TSPAN14: variants seen among roughly 807,000 people sequenced by gnomAD.
The protein encoded by TSPAN14 is tetraspanin-14.
TSPAN14 carries 16 observed loss-of-function variants against 36.6 expected under a neutral mutation model. The ratio of observed to expected loss-of-function variants is 0.44; its 90% CI spans 0.30 to 0.66. The LOEUF is 0.66. TSPAN14 is among the 30% of genes least tolerant of loss of function. The pLI is 0.12. For missense variants in TSPAN14, 231 were observed against 355.1 expected, an observed-to-expected ratio of 0.65 and a Z score of 2.81; for synonymous variants, 139 against 143.8, an observed-to-expected ratio of 0.97 and a Z score of 0.24.
chr10:80,504,154 C>T (rs1447042026), intron 2 of TSPAN14, among the ~76,000 whole-genome samples: 1 of 152,204 alleles, frequency 6.6e-6, no homozygotes, highest in Non-Finnish European at 1.5e-5. Flanking sequence ...TTGTAGTTAA[C>T]AGTAGGGAGG....
chr10:80,511,477 A>C (rs890115241), intron 5 of TSPAN14, among the ~76,000 whole-genome samples: 8 of 152,034 alleles, frequency 5.3e-5, no homozygotes, highest in African/African-American at 1.9e-4. Flanking sequence ...AGAGGACGCC[A>C]CTCTCCTGTC....
At chr10:80,469,540 C>G (rs972796281) in intron 1 of TSPAN14, among the ~76,000 whole-genome samples, 1 of 152,120 alleles carries the variant, frequency 6.6e-6, no homozygotes, top group Non-Finnish European at 1.5e-5. Context: ...CTCAGCTACC[C>G]AAGGGCTCCC....
At chr10:80,454,546 T>C (rs1321127445) in intron 1 of TSPAN14, among the ~76,000 whole-genome samples, 175 bp downstream of exon 1, 2 of 151,792 alleles carry the variant, frequency 1.3e-5, no homozygotes, top group Admixed American at 6.6e-5. Flanking sequence ...GCTGGCTTTG[T>C]CTGCCAGGAT....
chr10:80,503,695 TC>T (rs1298954201), intron 2 of TSPAN14, among the ~76,000 whole-genome samples: 1 of 152,134 alleles, frequency 6.6e-6, no homozygotes, highest in Non-Finnish European at 1.5e-5. Flanking sequence ...GGATGAGACT[TC>T]CTGGGGCTTT....
At chr10:80,518,325 G>C in exon 9 of TSPAN14, 1 of 326,824 alleles carries the variant, frequency 3.1e-6, no homozygotes, top group Non-Finnish European at 5.8e-6. Flanking sequence ...AGGACACCCT[G>C]GTCCCCTCTC....
At chr10:80,492,684 T>C (rs539619474) in intron 2 of TSPAN14, among the ~76,000 whole-genome samples, 32 of 152,000 alleles carry the variant, frequency 2.1e-4, no homozygotes, top group Non-Finnish European at 4.0e-4. Context: ...GGCGTGGTGG[T>C]GGGCACCTGT....
chr10:80,500,586 T>C (rs114265816), intron 2 of TSPAN14, among the ~76,000 whole-genome samples: 2,352 of 152,174 alleles, frequency 0.015, 58 homozygotes, highest in African/African-American at 0.054. Flanking sequence ...CCCAAAGTGC[T>C]GGGCCTCCCA....
intron 1 of TSPAN14, among the ~76,000 whole-genome samples, chr10:80,484,626 T>G (rs1422906219): frequency 6.6e-6 from 1 of 152,248 alleles, no homozygotes; most frequent in Non-Finnish European, 1.5e-5. Flanking sequence ...AACGGGGGTC[T>G]TTTTGAAGTA....
exon 9 of TSPAN14, chr10:80,519,485 G>A (rs922655632): frequency 1.3e-5 from 2 of 149,976 alleles, no homozygotes; most frequent in Non-Finnish European, 2.9e-5. Context: ...ACATTCTAGT[G>A]TGGTGTATAC....
At chr10:80,477,732 A>G (rs933956110) in intron 1 of TSPAN14, among the ~76,000 whole-genome samples, 5 of 152,088 alleles carry the variant, frequency 3.3e-5, no homozygotes, top group African/African-American at 9.7e-5. Context: ...CATGTTGCAC[A>G]TTTCTGCAGA....
At chr10:80,507,284 G>T (rs772947798) in exon 4 of TSPAN14, 1 of 1,614,116 alleles carries the variant, frequency 6.2e-7, no homozygotes, top group Non-Finnish European at 8.5e-7. Context: ...ACCCTGTGGT[G>T]CTGGTCCTGA....
At chr10:80,480,119 C>T (rs1847167780) in intron 1 of TSPAN14, among the ~76,000 whole-genome samples, 1 of 151,232 alleles carries the variant, frequency 6.6e-6, no homozygotes, top group Non-Finnish European at 1.5e-5. Flanking sequence ...TCTAAGAATG[C>T]TTGTGATTTT....
At position 80,477,522 on chromosome 10, in the gene TSPAN14, T is replaced by C. The variant is rs763596476; in HGVS notation, c.-17-11695T>C. ...AAGAAAACAACAGCAAGAAAAATTT[T>C]GCAAGCAAAGAGTACATGAATGATT... On this transcript the variant is annotated intron_variant, in intron 1 of 8. Transcript: ENST00000429989. 1.8e-4 allele frequency among the ~76,000 whole-genome samples: 27 copies of C among 152,186 alleles called. 1 individual carries two copies. Among genetic ancestry groups the C allele is most frequent in the Admixed American group, 1.6e-3 (25 of 15,266 alleles).
intron 2 of TSPAN14, among the ~76,000 whole-genome samples, chr10:80,502,775 G>A (rs1041717919): frequency 2.0e-5 from 3 of 152,128 alleles, no homozygotes; most frequent in African/African-American, 7.2e-5. Context: ...GGCATGGCCA[G>A]GACTGGACAT....
intron 2 of TSPAN14, among the ~76,000 whole-genome samples, chr10:80,492,982 G>A (rs899670024): frequency 1.2e-4 from 18 of 152,154 alleles, no homozygotes; most frequent in African/African-American, 3.9e-4. Context: ...ATGTTTGCAT[G>A]TCTGTTCTGA....
At chr10:80,501,105 G>GT (rs10713598) in intron 2 of TSPAN14, among the ~76,000 whole-genome samples, 2,473 of 139,992 alleles carry the variant, frequency 0.018, 91 homozygotes, top group East Asian at 0.13. Context: ...AACTGACGCT[G>GT]TTTTTTTTTT....
At chr10:80,495,359 G>A (rs1257440101) in intron 2 of TSPAN14, among the ~76,000 whole-genome samples, 1 of 115,626 alleles carries the variant, frequency 8.6e-6, no homozygotes, top group East Asian at 2.1e-4. Context: ...GTGTGTGTGT[G>A]TGTGTGTGTG....
At chr10:80,480,215 G>A (rs1342099361) in intron 1 of TSPAN14, among the ~76,000 whole-genome samples, 13 of 150,918 alleles carry the variant, frequency 8.6e-5, no homozygotes, top group African/African-American at 3.2e-4. Flanking sequence ...GGGTTTTCTA[G>A]ATATACAATC....
chr10:80,461,443 T>G (rs566055423), intron 1 of TSPAN14, among the ~76,000 whole-genome samples: 3 of 152,318 alleles, frequency 2.0e-5, no homozygotes, highest in African/African-American at 7.2e-5. Flanking sequence ...CTCTAGTAGC[T>G]TCTTGTGAAA....
Sources: allele counts gnomAD v4.1 joint callset (sites outside exome capture counted in the v4.1 genomes callset), GRCh38; gene constraint gnomAD v4.1.1; transcripts MANE v1.5; gene names NCBI Gene and HGNC (gene_info 2026-07-23, HGNC 2026-07-21).